Variants in UBXN2A observed in about 807,000 individuals in gnomAD.
The protein encoded by UBXN2A is UBX domain protein 2A, also known as UBX domain-containing protein 2A.
UBXN2A carries 28 observed loss-of-function variants against 28.4 expected under a neutral mutation model. The ratio of observed to expected loss-of-function variants is 0.99; its 90% CI spans 0.73 to 1.35. UBXN2A has a LOEUF of 1.35. Ranked by LOEUF, UBXN2A falls within the 40% of genes most tolerant of loss-of-function variation. The pLI is 0.00. For missense variants in UBXN2A, 253 were observed against 297.9 expected, an observed-to-expected ratio of 0.85 and a Z score of 1.11; for synonymous variants, 97 against 103.6, an observed-to-expected ratio of 0.94 and a Z score of 0.39.
intron 6 of UBXN2A, among the ~76,000 whole-genome samples, chr2:23,985,062 A>C (rs1408306832): frequency 6.6e-6 from 1 of 150,846 alleles, no homozygotes; most frequent in Non-Finnish European, 1.5e-5. Flanking sequence ...CACCATGCCC[A>C]GCTAACTTTT....
chr2:23,962,141 C>T (rs1169126258), intron 2 of UBXN2A, among the ~76,000 whole-genome samples: 5 of 152,278 alleles, frequency 3.3e-5, no homozygotes, highest in African/African-American at 9.6e-5. Context: ...CCACCGCGCC[C>T]AGCCAAAAAC....
intron 2 of UBXN2A, among the ~76,000 whole-genome samples, chr2:23,962,468 C>T (rs1336440074): frequency 2.0e-5 from 3 of 152,120 alleles, no homozygotes; most frequent in African/African-American, 7.2e-5. Context: ...AAATATATAT[C>T]AGATACTCCT....
chr2:23,973,369 C>T (rs908666948), intron 3 of UBXN2A, among the ~76,000 whole-genome samples: 16 of 149,590 alleles, frequency 1.1e-4, no homozygotes, highest in African/African-American at 3.2e-4. Context: ...GACAGAGTCT[C>T]GCTGTGTCGC....
intron 1 of UBXN2A, among the ~76,000 whole-genome samples, chr2:23,949,001 C>T (rs1483411781): frequency 2.8e-5 from 4 of 145,210 alleles, no homozygotes; most frequent in East Asian, 4.0e-4. Context: ...AGCACATTGG[C>T]GTGATCTCCC....
intron 1 of UBXN2A, among the ~76,000 whole-genome samples, chr2:23,930,360 C>T (rs1040371762): frequency 6.6e-6 from 1 of 151,968 alleles, no homozygotes; most frequent in African/African-American, 2.4e-5. Flanking sequence ...AAATCAAGAA[C>T]GTTTAAAAAT....
intron 1 of UBXN2A, among the ~76,000 whole-genome samples, chr2:23,947,701 C>A (rs149528186): frequency 6.6e-6 from 1 of 152,176 alleles, no homozygotes; most frequent in Non-Finnish European, 1.5e-5. Context: ...GCCATGCTTA[C>A]AATTAGTAAT....
chr2:23,951,441 T>G lies in UBXN2A; in HGVS notation c.-14-6860T>G, dbSNP rs1376888038. Among the ~76,000 whole-genome samples, 140 of 119,056 alleles carry G rather than the reference T, an allele frequency of 1.2e-3. 2 individuals carry two copies. The highest frequency in any genetic ancestry group is 4.3e-3 in the African/African-American group (128 of 30,114). 78.1% of individuals were successfully genotyped at this position (119,056 alleles called of 152,430 possible). On this transcript the variant is annotated intron_variant, in intron 1 of 6. Coordinates refer to ENST00000309033, the MANE Select transcript of UBXN2A (RefSeq NM_181713.4). ...ATATATATATATATATATATATATATATATATATATATATATATATATAGT... is the reference window on the plus strand; with the variant it reads ...ATATATATATATATATATATATATAGATATATATATATATATATATATAGT...
chr2:23,991,764 G>C (rs979684681), intron 6 of UBXN2A, among the ~76,000 whole-genome samples: 1 of 151,520 alleles, frequency 6.6e-6, no homozygotes, highest in Admixed American at 6.6e-5. Flanking sequence ...GAGCCACAGT[G>C]CCCGGCCTTT....
chr2:23,932,439 C>T (rs1248966278), intron 1 of UBXN2A, among the ~76,000 whole-genome samples: 1 of 151,982 alleles, frequency 6.6e-6, no homozygotes, highest in East Asian at 1.9e-4. Context: ...AAGGATAAAG[C>T]TAAGTATGAG....
intron 3 of UBXN2A, among the ~76,000 whole-genome samples, chr2:23,974,486 C>T: frequency 6.6e-6 from 1 of 151,764 alleles, no homozygotes; most frequent in East Asian, 1.9e-4. Flanking sequence ...GCTGGGACTA[C>T]AGGCACCCGC....
At chr2:23,956,765 A>G (rs1199801083) in intron 1 of UBXN2A, among the ~76,000 whole-genome samples, 1 of 152,220 alleles carries the variant, frequency 6.6e-6, no homozygotes, top group African/African-American at 2.4e-5. Context: ...TAAGAAAAAC[A>G]TTCTCCTTAA....
intron 6 of UBXN2A, among the ~76,000 whole-genome samples, chr2:23,994,145 C>T (rs1708449180): frequency 6.6e-6 from 1 of 152,216 alleles, no homozygotes; most frequent in South Asian, 2.1e-4. Flanking sequence ...CCAGCTTCCA[C>T]TCTCCTACTC....
At chr2:23,937,386 A>T (rs565964939), upstream of UBXN2A, among the ~76,000 whole-genome samples, 45 of 152,228 alleles carry the variant, frequency 3.0e-4, no homozygotes, top group African/African-American at 1.1e-3. Flanking sequence ...CTCTACAAAA[A>T]AAATTTTTTT....
At chr2:23,943,815 C>G (rs1705890232) in intron 1 of UBXN2A, 1 of 301,368 alleles carries the variant, frequency 3.3e-6, no homozygotes, top group Non-Finnish European at 6.6e-6. Context: ...TTAAAATGAG[C>G]TTTGCATTTC....
intron 1 of UBXN2A, among the ~76,000 whole-genome samples, chr2:23,941,302 T>C (rs1009508980): frequency 1.3e-5 from 2 of 152,248 alleles, no homozygotes; most frequent in Non-Finnish European, 2.9e-5. Context: ...TGTGGTAGTA[T>C]GAAGTCTGGC....
intron 4 of UBXN2A, among the ~76,000 whole-genome samples, chr2:23,978,205 CTAAG>C (rs1283540459): frequency 6.6e-6 from 1 of 152,146 alleles, no homozygotes. Context: ...ATTTACTTTA[CTAAG>C]TATTTTCTAA....
intron 1 of UBXN2A, among the ~76,000 whole-genome samples, chr2:23,946,596 C>T (rs747471106): frequency 1.1e-4 from 16 of 152,170 alleles, no homozygotes; most frequent in Admixed American, 2.6e-4. Context: ...GCTGAGATTA[C>T]GGGCATGAGC....
intron 1 of UBXN2A, among the ~76,000 whole-genome samples, chr2:23,930,093 T>C (rs1471397048): frequency 1.3e-5 from 2 of 152,080 alleles, no homozygotes; most frequent in Non-Finnish European, 2.9e-5. Flanking sequence ...TTTCACCGTA[T>C]TAGCCAGGAT....
At position 24,002,499 on chromosome 2, in the gene UBXN2A, C is replaced by G. The variant is rs1421306683; in HGVS notation, c.*2632C>G. The stretch of plus-strand genomic sequence containing the variant: ...GATCTTGGCTCACTGCAACTTGTCC[C>G]CCCGGGTTCAAGCGATTCTTCTGCC... On this transcript the variant is annotated 3_prime_UTR_variant, in exon 7 of 7. Coordinates refer to ENST00000309033, the MANE Select transcript of UBXN2A (RefSeq NM_181713.4). 6.6e-6 allele frequency: 1 copy of G among 152,062 alleles called. No homozygotes were observed. The highest frequency in any genetic ancestry group is 1.5e-5 in the Non-Finnish European group (1 of 68,080). 9.4% of individuals were successfully genotyped at this position (152,062 alleles called of 1,614,324 possible).
Sources: allele counts gnomAD v4.1 joint callset (sites outside exome capture counted in the v4.1 genomes callset), GRCh38; gene constraint gnomAD v4.1.1; transcripts MANE v1.5; gene names NCBI Gene and HGNC (gene_info 2026-07-23, HGNC 2026-07-21).